The following MGA variants were observed in gnomAD, a reference collection of about 807,000 sequenced individuals.
The protein encoded by MGA is MAX dimerization protein MGA, also known as MAX gene-associated protein.
Under a neutral mutation model 261.1 loss-of-function variants are expected in MGA, and 40 were observed. The observed-to-expected ratio is 0.15, with a 90% CI of 0.12 to 0.20. The LOEUF (loss-of-function observed/expected upper bound fraction) is 0.20, where lower values mean the gene tolerates loss of function less well. MGA is among the 10% of genes least tolerant of loss of function. The pLI is 1.00. For missense variants in MGA, 3,397 were observed against 3,630.5 expected (o/e 0.94, Z 1.65); for synonymous variants, 1,302 against 1,290.6 (o/e 1.01, Z -0.19).
intron 13 of MGA, among the ~76,000 whole-genome samples, chr15:41,738,014 A>G (rs1000025799): frequency 6.6e-6 from 1 of 151,832 alleles, no homozygotes; most frequent in South Asian, 2.1e-4. Context: ...TAGAGTAGCA[A>G]ATGTGTGGAA....
In MGA at chr15:41,768,784, T is replaced by C. The variant is rs1274591950; in HGVS notation, c.*1504T>C. ...CACTCAGCATATCTTCAGACCTAGG[T>C]TGTAAGACCAACTTTGGATTGGATC... On this transcript the variant is annotated 3_prime_UTR_variant, in exon 24 of 24. Transcript: ENST00000219905. 1 of 152,342 alleles carries C rather than the reference T, an allele frequency of 6.6e-6. No homozygotes were observed. The highest frequency in any genetic ancestry group is 2.4e-5 in the African/African-American group (1 of 41,438). The allele number at this position is 152,342 out of a possible 1,614,324, so 9.4% of individuals were successfully genotyped here.
In MGA at chr15:41,764,901, T is replaced by C. The variant is rs73408933; in HGVS notation, c.7760T>C (p.Leu2587Ser). ...TTTCTTACAGAAAATACCTCACCCTTGAACACTCCACACACCTCTGCCAAC... is the reference window on the plus strand; with the variant it reads ...TTTCTTACAGAAAATACCTCACCCTCGAACACTCCACACACCTCTGCCAAC... The change falls in exon 23 of 24, where the codon TTG (leucine) becomes TCG (serine). Residue 2587 changes from leucine to serine, a missense_variant. By Grantham distance (145) the Leu-to-Ser change is moderately radical. This residue lies in a region of MGA where 647 missense variants were observed against 642.4 expected (regional missense o/e 1.01). Transcript: ENST00000219905. 2 of 1,614,022 alleles carry C rather than the reference T, an allele frequency of 1.2e-6. No homozygotes were observed. The highest frequency in any genetic ancestry group is 2.7e-5 in the African/African-American group (2 of 75,062).
In MGA at chr15:41,767,393, A is replaced by G; in HGVS notation, c.*113A>G. 2 of 1,102,566 alleles carry G rather than the reference A, an allele frequency of 1.8e-6. No homozygotes were observed. Among genetic ancestry groups the G allele is most frequent in the African/African-American group, 1.6e-5 (1 of 64,032 alleles). The allele number at this position is 1,102,566 out of a possible 1,614,324, so 68.3% of individuals were successfully genotyped here. A position where few individuals can be genotyped will look rare whatever the true frequency, so the allele number is the denominator to read the frequency against. On this transcript the variant is annotated 3_prime_UTR_variant, in exon 24 of 24. Transcript: ENST00000219905. The stretch of plus-strand genomic sequence containing the variant: ...AGAACTTGGATCCTTGACTTCAATG[A>G]TGCAGTGGATAATGATGGGAGAAAG...
intron 9 of MGA, among the ~76,000 whole-genome samples, chr15:41,726,347 A>T (rs149630942): frequency 1.7e-3 from 255 of 152,350 alleles, no homozygotes; most frequent in African/African-American, 5.8e-3. Context: ...TGCTTAGCAC[A>T]GGTGCTTAGA....
At position 41,758,024 on chromosome 15, in the gene MGA, T is replaced by G. The variant is rs181724388; in HGVS notation, c.7191+185T>G. On this transcript the variant is annotated intron_variant, in intron 19 of 23. Coordinates refer to ENST00000219905, the MANE Select transcript of MGA (RefSeq NM_001164273.2). ...ACTGCTAATGTCCTTTTTTTCCCTT[T>G]TAATTCTTCTCCTCAGAGGATAGAC... 5.8e-4 allele frequency among the ~76,000 whole-genome samples: 89 copies of G among 152,240 alleles called. 1 individual carries two copies. The highest frequency in any genetic ancestry group is 2.4e-4 in the Non-Finnish European group (16 of 67,964).
At chr15:41,622,122 C>T (rs1167464285) in intron 1 of MGA, among the ~76,000 whole-genome samples, 1 of 152,010 alleles carries the variant, frequency 6.6e-6, no homozygotes, top group Non-Finnish European at 1.5e-5. Context: ...GGTCGGATTG[C>T]CTGTTTTTAC....
chr15:41,758,449 T>A (rs2151974988), intron 19 of MGA, among the ~76,000 whole-genome samples: 1 of 152,238 alleles, frequency 6.6e-6, no homozygotes, highest in Admixed American at 6.5e-5. Context: ...CTTTAAAAAA[T>A]CATAGTGCAG....
intron 1 of MGA, among the ~76,000 whole-genome samples, chr15:41,651,740 CCTCTT>C (rs2057059569): frequency 1.3e-5 from 1 of 75,032 alleles, no homozygotes; most frequent in African/African-American, 5.4e-5. Context: ...CTCCCCTTCC[CCTCTT>C]CCTTCCCCTC....
At chr15:41,628,245 C>T (rs146036331) in intron 1 of MGA, among the ~76,000 whole-genome samples, 14 of 151,670 alleles carry the variant, frequency 9.2e-5, no homozygotes, top group South Asian at 8.4e-4. Flanking sequence ...TGGTGGTGCA[C>T]GCCTGTAGTC....
chr15:41,735,607 C>T (rs1029051921), intron 12 of MGA, among the ~76,000 whole-genome samples: 30 of 151,978 alleles, frequency 2.0e-4, no homozygotes, highest in African/African-American at 6.3e-4. Context: ...CGTGGTGGCA[C>T]GCGTCCATAA....
intron 2 of MGA, among the ~76,000 whole-genome samples, chr15:41,693,493 G>A (rs188171674): frequency 6.6e-5 from 10 of 152,164 alleles, no homozygotes; most frequent in Admixed American, 1.3e-4. Flanking sequence ...TAGAAATTGT[G>A]CAAGGAACAA....
At chr15:41,672,131 T>C (rs907912197) in intron 2 of MGA, among the ~76,000 whole-genome samples, 3 of 151,818 alleles carry the variant, frequency 2.0e-5, no homozygotes, top group Admixed American at 2.0e-4. Flanking sequence ...CCTGAAGGAG[T>C]TTGTTAGGTG....
chr15:41,640,318 T>G (rs934909012), intron 1 of MGA, among the ~76,000 whole-genome samples: 14 of 152,174 alleles, frequency 9.2e-5, no homozygotes, highest in Admixed American at 5.9e-4. Flanking sequence ...GGCCCTTATA[T>G]GCTAAGCTAA....
rs572799828 is a variant in MGA at position 41,756,938 on chromosome 15, T to C, written c.7140-850T>C. Among the ~76,000 whole-genome samples the C allele has an allele frequency of 4.8e-4, 73 of 150,746 alleles. No homozygotes were observed. In the South Asian group the frequency reaches 0.011, roughly 22 times the overall value. On this transcript the variant is annotated intron_variant, in intron 18 of 23. Coordinates refer to ENST00000219905, the MANE Select transcript of MGA (RefSeq NM_001164273.2). The stretch of plus-strand genomic sequence containing the variant: ...GAAACAAATGAGTTGCAGAAAGATA[T>C]AGTATAGTATATAATATTTAAAGTG...
intron 11 of MGA, among the ~76,000 whole-genome samples, chr15:41,730,022 AACTG>A (rs1245549611): frequency 6.6e-6 from 1 of 151,940 alleles, no homozygotes; most frequent in Non-Finnish European, 1.5e-5. Context: ...CCTCCTGGGT[AACTG>A]AGATTACAGG....
At position 41,636,912 on chromosome 15, in the gene MGA, G is replaced by A. The variant is rs184322130; in HGVS notation, c.-68+15614G>A. Among the ~76,000 whole-genome samples, 305 of 152,168 alleles carry A rather than the reference G, an allele frequency of 2.0e-3. 1 individual carries two copies. The highest frequency in any genetic ancestry group is 3.0e-3 in the Non-Finnish European group (204 of 68,022). ...ATTTTGGTATCTGCAAGGGTGTCCT[G>A]GAACCAGTCCCCATAAATAATGAGA... On this transcript the variant is annotated intron_variant, in intron 1 of 8. Transcript: ENST00000566718.
At chr15:41,727,072 A>G (rs2061288391) in intron 9 of MGA, 108 bp from the exon 10 acceptor site, 1 of 759,656 alleles carries the variant, frequency 1.3e-6, no homozygotes, top group Non-Finnish European at 2.1e-6. Context: ...TGATTATTTT[A>G]ACGAGTTACT....
intron 5 of MGA, among the ~76,000 whole-genome samples, chr15:41,699,576 A>G (rs2059729078): frequency 6.6e-6 from 1 of 152,160 alleles, no homozygotes; most frequent in Admixed American, 6.5e-5. Context: ...ATCTCTGCTC[A>G]CTGCAAGCTC....
chr15:41,695,961 C>T (rs1005256518), intron 2 of MGA, 114 bp from the exon 3 acceptor site: 4 of 785,596 alleles, frequency 5.1e-6, no homozygotes, highest in East Asian at 2.6e-5. Context: ...AGGAATGGCT[C>T]AGGAAATCTG....
Sources: gnomAD v4.1 joint callset for allele counts (sites outside exome capture counted in the v4.1 genomes callset) on GRCh38, gnomAD v4.1.1 for gene constraint, gnomAD v4.1.1 regional missense constraint, MANE v1.5 for transcripts, NCBI Gene and HGNC (gene_info 2026-07-23, HGNC 2026-07-21) for gene names.